The following CNTN5 variants were observed in gnomAD, a reference collection of about 807,000 sequenced individuals.
CNTN5 encodes contactin 5, also known as contactin-5.
In CNTN5, 77 loss-of-function variants were observed where a neutral mutation model predicts 129.1. The ratio of observed to expected loss-of-function variants is 0.60; its 90% CI spans 0.50 to 0.72. CNTN5 has a LOEUF of 0.72. Ranked by LOEUF, CNTN5 falls within the 30% of genes least tolerant of loss-of-function variation. CNTN5 has a pLI of 0.00. For missense variants in CNTN5, 1,478 were observed against 1,328.8 expected (o/e 1.11, Z -1.75); for synonymous variants, 509 against 465.6 (o/e 1.09, Z -1.20).
At chr11:99,771,705 A>G (rs1242336504) in intron 3 of CNTN5, among the ~76,000 whole-genome samples, 2 of 152,006 alleles carry the variant, frequency 1.3e-5, no homozygotes, top group Non-Finnish European at 2.9e-5. Flanking sequence ...AGATGACCAC[A>G]TTCTGGGGAT....
intron 1 of CNTN5, among the ~76,000 whole-genome samples, chr11:99,139,509 A>G (rs928971435): frequency 3.3e-5 from 5 of 152,208 alleles, no homozygotes; most frequent in Non-Finnish European, 7.3e-5. Context: ...TTAAAAAATC[A>G]GTTAGTAGAG....
intron 8 of CNTN5, among the ~76,000 whole-genome samples, chr11:99,976,499 C>T (rs1428167374): frequency 3.9e-5 from 6 of 152,186 alleles, no homozygotes; most frequent in Non-Finnish European, 8.8e-5. Flanking sequence ...CCAGGCATTT[C>T]TAAGCCTCCT....
intron 13 of CNTN5, among the ~76,000 whole-genome samples, chr11:100,160,643 T>A (rs1457352587): frequency 6.6e-6 from 1 of 151,708 alleles, no homozygotes; most frequent in African/African-American, 2.4e-5. Flanking sequence ...CACAAAAGAG[T>A]TACTTTGTGC....
At chr11:99,896,749 T>C (rs916658688) in intron 6 of CNTN5, among the ~76,000 whole-genome samples, 1 of 152,288 alleles carries the variant, frequency 6.6e-6, no homozygotes, top group African/African-American at 2.4e-5. Flanking sequence ...TAGAACTCCT[T>C]GTGTGGGAGG....
At chr11:99,368,733 T>C (rs562868004) in intron 2 of CNTN5, among the ~76,000 whole-genome samples, 6 of 152,302 alleles carry the variant, frequency 3.9e-5, no homozygotes, top group African/African-American at 1.2e-4. Context: ...CTAGTTCCCA[T>C]GGTTACTAAA....
chr11:100,042,288 T>C (rs928599728), intron 9 of CNTN5, among the ~76,000 whole-genome samples: 5 of 152,134 alleles, frequency 3.3e-5, no homozygotes, highest in Non-Finnish European at 2.9e-5. Flanking sequence ...CTCAATAGCT[T>C]TTCTTATGAT....
intron 13 of CNTN5, among the ~76,000 whole-genome samples, chr11:100,148,426 T>C (rs1351688673): frequency 6.6e-6 from 1 of 152,208 alleles, no homozygotes. Context: ...CATAGCCTCT[T>C]TCTCTTTTCC....
chr11:100,028,207 A>T (rs966707263), intron 9 of CNTN5, among the ~76,000 whole-genome samples: 1 of 152,198 alleles, frequency 6.6e-6, no homozygotes, highest in Non-Finnish European at 1.5e-5. Flanking sequence ...TAAAAAAAAA[A>T]TCTGCTGGAT....
intron 3 of CNTN5, among the ~76,000 whole-genome samples, chr11:99,690,380 TTTG>T (rs1016864333): frequency 1.3e-5 from 2 of 152,116 alleles, no homozygotes; most frequent in Non-Finnish European, 1.5e-5. Context: ...CCAGCTTTGT[TTTG>T]TTGTTGTTGT....
chr11:99,508,129 T>A (rs915675113), intron 2 of CNTN5, among the ~76,000 whole-genome samples: 10 of 152,214 alleles, frequency 6.6e-5, no homozygotes, highest in African/African-American at 2.4e-4. Context: ...CTGTATAAAA[T>A]GTCATCCTGC....
chr11:99,418,165 A>T (rs911212765), intron 2 of CNTN5, among the ~76,000 whole-genome samples: 5 of 152,164 alleles, frequency 3.3e-5, no homozygotes, highest in Admixed American at 1.3e-4. Flanking sequence ...CTTCAATCAA[A>T]ATAGTAGAGA....
intron 3 of CNTN5, among the ~76,000 whole-genome samples, chr11:99,803,702 T>C (rs1946183041): frequency 6.6e-6 from 1 of 152,178 alleles, no homozygotes; most frequent in South Asian, 2.1e-4. Flanking sequence ...GTGCCCTCCC[T>C]TTTCCTGGGT....
At chr11:99,036,509 A>G (rs1863741983) in intron 1 of CNTN5, among the ~76,000 whole-genome samples, 1 of 152,196 alleles carries the variant, frequency 6.6e-6, no homozygotes, top group South Asian at 2.1e-4. Context: ...ACCTAAAATT[A>G]TCTATCAATT....
intron 21 of CNTN5, among the ~76,000 whole-genome samples, chr11:100,329,047 T>G (rs966221199): frequency 6.6e-6 from 1 of 152,150 alleles, no homozygotes; most frequent in Non-Finnish European, 1.5e-5. Context: ...TCTTGATCAC[T>G]GGCTGCCCGG....
chr11:100,060,774 G>T (rs1215405739), intron 9 of CNTN5, among the ~76,000 whole-genome samples: 1 of 151,358 alleles, frequency 6.6e-6, no homozygotes, highest in Non-Finnish European at 1.5e-5. Flanking sequence ...AGAATAGCTG[G>T]GATTATAGGC....
At chr11:100,084,705 G>A (rs1007179363) in intron 13 of CNTN5, among the ~76,000 whole-genome samples, 1 of 152,082 alleles carries the variant, frequency 6.6e-6, no homozygotes, top group Non-Finnish European at 1.5e-5. Flanking sequence ...TAAGTAGGGA[G>A]ATAGATTGAT....
At chr11:100,083,426 C>T (rs1177422237) in intron 13 of CNTN5, among the ~76,000 whole-genome samples, 1 of 151,906 alleles carries the variant, frequency 6.6e-6, no homozygotes, top group Non-Finnish European at 1.5e-5. Flanking sequence ...GATGCTATAC[C>T]ATTCACAAGG....
At chr11:99,884,151 A>C (rs1389257276) in intron 6 of CNTN5, among the ~76,000 whole-genome samples, 1 of 152,204 alleles carries the variant, frequency 6.6e-6, no homozygotes, top group Admixed American at 6.5e-5. Context: ...GAAATTCTAT[A>C]TAGACCTCAG....
At chr11:99,655,638 G>A (rs920799002) in intron 3 of CNTN5, among the ~76,000 whole-genome samples, 4 of 151,966 alleles carry the variant, frequency 2.6e-5, no homozygotes, top group South Asian at 2.1e-4. Flanking sequence ...CTTTGAACAC[G>A]GAATACTGAA....
Sources: gnomAD v4.1 joint callset for allele counts (sites outside exome capture counted in the v4.1 genomes callset) on GRCh38, gnomAD v4.1.1 for gene constraint, MANE v1.5 for transcripts, NCBI Gene and HGNC (gene_info 2026-07-23, HGNC 2026-07-21) for gene names.